The following IGF2BP2 variants were observed in gnomAD, a reference collection of about 807,000 sequenced individuals.
IGF2BP2 encodes the protein insulin like growth factor 2 mRNA binding protein 2, also known as insulin-like growth factor 2 mRNA-binding protein 2.
In IGF2BP2, 17 loss-of-function variants were observed where a neutral mutation model predicts 75.8. The observed-to-expected ratio is 0.22, with a 90% CI of 0.15 to 0.34. The LOEUF (loss-of-function observed/expected upper bound fraction) is 0.34, where lower values mean the gene tolerates loss of function less well. IGF2BP2 is among the 10% of genes least tolerant of loss of function. The pLI, the probability that IGF2BP2 is intolerant of heterozygous loss-of-function variation, is 1.00. For missense variants in IGF2BP2, 516 were observed against 772.4 expected, an observed-to-expected ratio of 0.67 and a Z score of 3.93; for synonymous variants, 288 against 295.6, an observed-to-expected ratio of 0.97 and a Z score of 0.26.
At chr3:185,800,741 A>AGAAAGAAC (rs1553893969) in intron 2 of IGF2BP2, among the ~76,000 whole-genome samples, 2 of 151,612 alleles carry the variant, frequency 1.3e-5, no homozygotes, top group African/African-American at 4.9e-5. Context: ...AAAGAAAGAA[A>AGAAAGAAC]GTACTTGCTG....
At chr3:185,671,306 G>A (rs1409575637) in intron 10 of IGF2BP2, among the ~76,000 whole-genome samples, 1 of 152,148 alleles carries the variant, frequency 6.6e-6, no homozygotes, top group African/African-American at 2.4e-5. Context: ...CCAGCACTTT[G>A]GAAGGCCGAG....
chr3:185,745,053 G>C (rs1181735721), intron 2 of IGF2BP2, among the ~76,000 whole-genome samples: 21 of 152,162 alleles, frequency 1.4e-4, no homozygotes, highest in Admixed American at 1.3e-3. Flanking sequence ...CTTGCTGCTG[G>C]TGTGCGGCAG....
chr3:185,687,258 C>A, intron 6 of IGF2BP2, 67 bp from the exon 7 acceptor site: 1 of 1,497,750 alleles, frequency 6.7e-7, no homozygotes. Flanking sequence ...CCCAAGAAAG[C>A]GTCACACCAA....
chr3:185,766,954 C>T (rs1032381718), intron 2 of IGF2BP2, among the ~76,000 whole-genome samples: 2 of 152,198 alleles, frequency 1.3e-5, no homozygotes, highest in Admixed American at 6.5e-5. Context: ...ATTGTAGCTG[C>T]CGTCTTTTAG....
Position 185,786,083 on chromosome 3 carries a change from C to CA in IGF2BP2, c.239+37069_239+37070insT, listed in dbSNP as rs1230359139. Among the ~76,000 whole-genome samples, 516 of 150,016 alleles carry CA rather than the reference C, an allele frequency of 3.4e-3. 1 individual carries two copies. The highest frequency in any genetic ancestry group is 0.012 in the African/African-American group (494 of 41,086). On this transcript the variant is annotated intron_variant, in intron 2 of 15. Transcript: ENST00000382199. ...TCGCTCCCCTAATGAGCTAATTAAACTTTTTTTTTTTCAAATCGCTCCATT... is the reference window on the plus strand; with the variant it reads ...TCGCTCCCCTAATGAGCTAATTAAACATTTTTTTTTTTCAAATCGCTCCATT...
At chr3:185,775,967 G>A in intron 2 of IGF2BP2, among the ~76,000 whole-genome samples, 1 of 152,332 alleles carries the variant, frequency 6.6e-6, no homozygotes, top group East Asian at 1.9e-4. Context: ...ATAGGCAAAT[G>A]GCAAGGTGGC....
At chr3:185,737,749 T>C (rs1729040858) in intron 2 of IGF2BP2, among the ~76,000 whole-genome samples, 1 of 152,180 alleles carries the variant, frequency 6.6e-6, no homozygotes, top group Non-Finnish European at 1.5e-5. Context: ...GACTAGACAA[T>C]GTGGGAGAAC....
chr3:185,798,299 G>T (rs1289235246), intron 2 of IGF2BP2, among the ~76,000 whole-genome samples: 1 of 152,044 alleles, frequency 6.6e-6, no homozygotes, highest in Non-Finnish European at 1.5e-5. Context: ...TTCACCTCCA[G>T]GTTTACTCCC....
At chr3:185,662,743 A>G (rs1716674222) in intron 10 of IGF2BP2, among the ~76,000 whole-genome samples, 1 of 151,900 alleles carries the variant, frequency 6.6e-6, no homozygotes, top group Non-Finnish European at 1.5e-5. Context: ...GGGTTTCACC[A>G]TGTTGGTCAG....
chr3:185,752,541 T>A (rs1441469260), intron 2 of IGF2BP2, among the ~76,000 whole-genome samples: 2 of 152,140 alleles, frequency 1.3e-5, no homozygotes, highest in Admixed American at 1.3e-4. Context: ...ACAACCTGAG[T>A]ACACTTTACA....
intron 2 of IGF2BP2, among the ~76,000 whole-genome samples, chr3:185,700,265 G>A (rs1156912290): frequency 3.9e-5 from 6 of 152,180 alleles, no homozygotes; most frequent in Non-Finnish European, 7.3e-5. Flanking sequence ...TGAATTAAAT[G>A]AGGGGCTCTA....
chr3:185,647,249 G>A lies in IGF2BP2; in HGVS notation c.1594-111C>T, dbSNP rs1577784402. On this transcript the variant is annotated intron_variant, in intron 14 of 15. Transcript: ENST00000382199. This position sits in a 1 kb window ranked among gnomAD's most constrained non-coding sequence, Gnocchi z 4.9. ...TGGAGCAGGGGAAGGAGGGGGGCTG[G>A]ACTCTGCTCTCCTTTCCTTTTATCA... 1 of 784,824 alleles carries A rather than the reference G, an allele frequency of 1.3e-6. No homozygotes were observed. The highest frequency in any genetic ancestry group is 2.3e-6 in the Non-Finnish European group (1 of 442,640). The allele number at this position is 784,824 out of a possible 1,614,324, so 48.6% of individuals were successfully genotyped here.
At chr3:185,688,240 T>A (rs1721418832) in intron 6 of IGF2BP2, among the ~76,000 whole-genome samples, 14 of 152,216 alleles carry the variant, frequency 9.2e-5, no homozygotes, top group Admixed American at 9.2e-4. Context: ...TGTCAGTAAT[T>A]GGGTGCTTTG....
chr3:185,814,291 T>C (rs1272105135), intron 2 of IGF2BP2, among the ~76,000 whole-genome samples: 1 of 152,114 alleles, frequency 6.6e-6, no homozygotes, highest in East Asian at 1.9e-4. Flanking sequence ...CTCTCTTAAA[T>C]AAAGGGGCAC....
At chr3:185,790,624 C>T (rs2149857852) in intron 2 of IGF2BP2, among the ~76,000 whole-genome samples, 1 of 152,156 alleles carries the variant, frequency 6.6e-6, no homozygotes, top group African/African-American at 2.4e-5. Flanking sequence ...TTGTTTTTTC[C>T]GTGTGAAACT....
At chr3:185,822,950 G>A (rs1047010459) in intron 2 of IGF2BP2, among the ~76,000 whole-genome samples, 1 of 150,548 alleles carries the variant, frequency 6.6e-6, no homozygotes, top group African/African-American at 2.5e-5. Flanking sequence ...TTAGGCACCA[G>A]ATATTTTCCA....
intron 2 of IGF2BP2, among the ~76,000 whole-genome samples, chr3:185,702,564 G>A (rs1723454837): frequency 6.6e-6 from 1 of 152,130 alleles, no homozygotes; most frequent in African/African-American, 2.4e-5. Flanking sequence ...ACAGGTAAAA[G>A]GCATTTTTCA....
chr3:185,707,541 T>G (rs1407671584), intron 2 of IGF2BP2, among the ~76,000 whole-genome samples: 1 of 151,864 alleles, frequency 6.6e-6, no homozygotes, highest in African/African-American at 2.4e-5. Context: ...ACTCCTGACT[T>G]TGTGATCCAC....
rs886140342 is a variant in IGF2BP2, at chr3:185,644,086, T to C, written c.*1445A>G. ...CTGTTGCACACTTGGACTGTCACCT[T>C]CTCCAGGCTGGCAGTTGATATCTTA... On this transcript the variant is annotated 3_prime_UTR_variant, in exon 16 of 16. Coordinates refer to ENST00000382199, the MANE Select transcript of IGF2BP2 (RefSeq NM_006548.6). 1.3e-5 allele frequency: 2 copies of C among 152,414 alleles called. No individual in the cohort carries two copies. Among genetic ancestry groups the C allele is most frequent in the African/African-American group, 4.8e-5 (2 of 41,396 alleles). The allele number at this position is 152,414 out of a possible 1,614,324, so 9.4% of individuals were successfully genotyped here.
Sources: allele counts gnomAD v4.1 joint callset (sites outside exome capture counted in the v4.1 genomes callset), GRCh38; gene constraint gnomAD v4.1.1; non-coding constraint Gnocchi (gnomAD v3.1); transcripts MANE v1.5; gene names NCBI Gene and HGNC (gene_info 2026-07-23, HGNC 2026-07-21).